Variants in OSBPL10 observed in about 807,000 individuals in gnomAD.
OSBPL10 encodes the protein oxysterol binding protein like 10.
Under a neutral mutation model 81.7 loss-of-function variants are expected in OSBPL10, and 49 were observed. The observed-to-expected ratio is 0.60, with a 90% CI of 0.48 to 0.76. The LOEUF is 0.76. OSBPL10 is among the 30% of genes least tolerant of loss of function. The pLI is 0.00. For missense variants in OSBPL10, 923 were observed against 987.8 expected, an observed-to-expected ratio of 0.93 and a Z score of 0.88; for synonymous variants, 419 against 383.6, an observed-to-expected ratio of 1.09 and a Z score of -1.08.
intron 6 of OSBPL10, chr3:31,718,994 T>C (rs1696547990): frequency 6.6e-6 from 1 of 152,198 alleles, no homozygotes; most frequent in Non-Finnish European, 1.5e-5. Context: ...TGCTAGATGA[T>C]GTTTCCAGGA....
At chr3:32,030,700 G>C in intron 2 of OSBPL10, 1 of 772,334 alleles carries the variant, frequency 1.3e-6, no homozygotes. Context: ...AAAAATAAAA[G>C]ACCTCTGGAC....
At chr3:31,669,870 A>C (rs1323405468) in intron 9 of OSBPL10, among the ~76,000 whole-genome samples, 3 of 152,222 alleles carry the variant, frequency 2.0e-5, no homozygotes, top group Admixed American at 6.5e-5. Flanking sequence ...AAAAACAGTC[A>C]CAGTTCTTAG....
At chr3:32,050,738 C>A (rs1039118231) in intron 1 of OSBPL10, among the ~76,000 whole-genome samples, 3 of 151,434 alleles carry the variant, frequency 2.0e-5, no homozygotes, top group Admixed American at 2.0e-4. Context: ...CTCAGCTCAC[C>A]GCAACCTCCG....
intron 1 of OSBPL10, among the ~76,000 whole-genome samples, chr3:31,912,068 T>C (rs1696595517): frequency 6.6e-6 from 1 of 152,040 alleles, no homozygotes; most frequent in Non-Finnish European, 1.5e-5. Flanking sequence ...TTTTGTTATG[T>C]ATATTTTACC....
At position 31,683,808 on chromosome 3, in the gene OSBPL10, C is replaced by A. The variant is rs142316297; in HGVS notation, c.1552G>T (p.Asp518Tyr). 6.2e-7 allele frequency: 1 copy of A among 1,614,172 alleles called. No individual in the cohort carries two copies. The highest frequency in any genetic ancestry group is 8.5e-7 in the Non-Finnish European group (1 of 1,180,042). ...PASCHEHPMA[D>Y]DPSKSYKLRF... ...AGTTTGTAGCTTTTGGAAGGGTCAT[C>A]GGCCATTGGGTGTTCGTGACAGCTG... The change falls in exon 8 of 12, where the codon GAT (aspartate) becomes TAT (tyrosine). Residue 518 changes from aspartate to tyrosine, a missense_variant. By Grantham distance (160) the Asp-to-Tyr change is radical. Around this residue, in one of 3 missense-constraint regions of OSBPL10, gnomAD observed 387 missense variants for 436.3 expected, o/e 0.89. Coordinates refer to ENST00000396556, the MANE Select transcript of OSBPL10 (RefSeq NM_017784.5).
intron 1 of OSBPL10, among the ~76,000 whole-genome samples, chr3:31,969,961 C>T (rs1294619691): frequency 6.6e-6 from 1 of 151,982 alleles, no homozygotes; most frequent in African/African-American, 2.4e-5. Flanking sequence ...AAATGATTAT[C>T]TTGCAGTGGA....
At chr3:31,760,088 GGAAGA>G (rs748251326) in intron 4 of OSBPL10, among the ~76,000 whole-genome samples, 1 of 152,238 alleles carries the variant, frequency 6.6e-6, no homozygotes, top group East Asian at 1.9e-4. Context: ...AAAATCGCAA[GGAAGA>G]GAAAATATAT....
At chr3:31,979,201 T>G (rs753724340) in intron 1 of OSBPL10, among the ~76,000 whole-genome samples, 1 of 152,174 alleles carries the variant, frequency 6.6e-6, no homozygotes, top group Non-Finnish European at 1.5e-5. Context: ...CTACCTATTC[T>G]TTTTCAGCTT....
At chr3:31,781,081 T>C (rs1490692981) in intron 4 of OSBPL10, among the ~76,000 whole-genome samples, 3 of 152,144 alleles carry the variant, frequency 2.0e-5, no homozygotes, top group African/African-American at 7.2e-5. Context: ...ATTAGCTAAC[T>C]GAATATAACA....
rs557707716 is a variant in OSBPL10, at chr3:31,863,771, C to T, written c.537+12662G>A. The stretch of plus-strand genomic sequence containing the variant: ...GTTACTCATGACTGATTTTCAGCTA[C>T]TGGTTAATAGTTCTCTCTCTATAAA... On this transcript the variant is annotated intron_variant, in intron 3 of 11. Transcript: ENST00000396556. 3.9e-5 allele frequency among the ~76,000 whole-genome samples: 6 copies of T among 152,238 alleles called. No individual in the cohort carries two copies. The East Asian group carries it at 1.2e-3, about 29-fold the overall frequency.
At chr3:31,888,658 C>T (rs751024001) in intron 1 of OSBPL10, among the ~76,000 whole-genome samples, 3 of 152,154 alleles carry the variant, frequency 2.0e-5, no homozygotes, top group East Asian at 1.9e-4. Flanking sequence ...CAGTGGCTCA[C>T]GCCCGTAATC....
At chr3:31,731,138 A>G (rs1696959702) in intron 6 of OSBPL10, among the ~76,000 whole-genome samples, 2 of 152,228 alleles carry the variant, frequency 1.3e-5, no homozygotes, top group Non-Finnish European at 2.9e-5. Flanking sequence ...GTGGCAAAGC[A>G]CAATGGCCTA....
chr3:31,999,610 C>T (rs34619425), intron 2 of OSBPL10, among the ~76,000 whole-genome samples: 6,547 of 152,112 alleles, frequency 0.043, 279 homozygotes, highest in African/African-American at 0.12. Context: ...ATCTGCCTGC[C>T]TTGGCCTCCC....
intron 1 of OSBPL10, among the ~76,000 whole-genome samples, chr3:31,924,403 T>C (rs372007137): frequency 1.3e-5 from 2 of 152,080 alleles, no homozygotes; most frequent in East Asian, 1.9e-4. Flanking sequence ...GGGCAGCACC[T>C]TCCTTGTGAG....
rs1695750998 is a variant in OSBPL10, at chr3:31,886,866, G to A, written c.282-7036C>T. 8.5e-5 allele frequency among the ~76,000 whole-genome samples: 13 copies of A among 152,062 alleles called. No individual in the cohort carries two copies. The South Asian group carries it at 2.7e-3, about 32-fold the overall frequency. On this transcript the variant is annotated intron_variant, in intron 1 of 11. Coordinates refer to ENST00000396556, the MANE Select transcript of OSBPL10 (RefSeq NM_017784.5). ...GAGGCAGAAGAATCGCTGGAACCCA[G>A]GAGGCAGGGCTGCAGTGAGCCGAGG...
chr3:31,706,953 C>T (rs1334090779), intron 6 of OSBPL10, among the ~76,000 whole-genome samples: 1 of 151,972 alleles, frequency 6.6e-6, no homozygotes, highest in Non-Finnish European at 1.5e-5. Context: ...TCCCACCCCA[C>T]CCCACCCTTC....
intron 2 of OSBPL10, among the ~76,000 whole-genome samples, chr3:32,006,170 T>C (rs1699204092): frequency 6.6e-6 from 1 of 151,998 alleles, no homozygotes; most frequent in South Asian, 2.1e-4. Flanking sequence ...GGTCTCAAAC[T>C]CCTGACCTCA....
intron 4 of OSBPL10, among the ~76,000 whole-genome samples, chr3:31,768,034 C>A (rs568172304): frequency 6.6e-6 from 1 of 152,078 alleles, no homozygotes; most frequent in Non-Finnish European, 1.5e-5. Flanking sequence ...CTTGATCGTG[C>A]GCTAAAAAAG....
intron 4 of OSBPL10, among the ~76,000 whole-genome samples, chr3:31,771,881 T>C (rs1332434652): frequency 6.6e-6 from 1 of 152,242 alleles, no homozygotes; most frequent in African/African-American, 2.4e-5. Context: ...CTGCATCTTG[T>C]TATTGGGCCG....
Sources: allele counts gnomAD v4.1 joint callset (sites outside exome capture counted in the v4.1 genomes callset), GRCh38; gene constraint gnomAD v4.1.1; regional missense constraint gnomAD v4.1.1; transcripts MANE v1.5; gene names NCBI Gene and HGNC (gene_info 2026-07-23, HGNC 2026-07-21).